PTPRK: variants seen among roughly 807,000 people sequenced by gnomAD.
PTPRK encodes the protein receptor-type tyrosine-protein phosphatase kappa.
In PTPRK, 75 loss-of-function variants were observed where a neutral mutation model predicts 178.0. The observed-to-expected ratio is 0.42, with a 90% confidence interval of 0.35 to 0.51. The LOEUF (loss-of-function observed/expected upper bound fraction) is 0.51, where lower values mean the gene tolerates loss of function less well. Among genes scored for constraint, PTPRK ranks in the 20% least tolerant of loss-of-function variants. The pLI is 0.02. For missense variants in PTPRK, 1,441 were observed against 1,797.8 expected (o/e 0.80, Z 3.59); for synonymous variants, 637 against 620.6 (o/e 1.03, Z -0.39).
At chr6:128,464,648 T>TATATATATATATATATATATATACAC (rs1849578836) in intron 1 of PTPRK, among the ~76,000 whole-genome samples, 2 of 93,976 alleles carry the variant, frequency 2.1e-5, no homozygotes, top group Non-Finnish European at 4.1e-5. Context: ...CATATATATA[T>TATATATATATATATATATATATACAC]ATATATATAT....
At chr6:128,188,634 A>G (rs1048143775) in intron 6 of PTPRK, among the ~76,000 whole-genome samples, 1 of 152,156 alleles carries the variant, frequency 6.6e-6, no homozygotes, top group African/African-American at 2.4e-5. Flanking sequence ...ATTACTACAG[A>G]CTTGGTGGCT....
intron 16 of PTPRK, 114 bp from the exon 17 acceptor site, chr6:127,997,102 C>G: frequency 9.9e-7 from 1 of 1,015,222 alleles, no homozygotes; most frequent in Non-Finnish European, 1.5e-6. Context: ...GAAAGCAGTC[C>G]TACAGTAGTA....
chr6:128,158,258 C>T (rs984440885), intron 7 of PTPRK, among the ~76,000 whole-genome samples: 4 of 150,930 alleles, frequency 2.7e-5, no homozygotes, highest in African/African-American at 7.3e-5. Flanking sequence ...TGGGGCCTGT[C>T]GTGGGGTGGG....
intron 15 of PTPRK, among the ~76,000 whole-genome samples, chr6:127,999,135 G>A (rs1311230741): frequency 6.6e-6 from 1 of 152,064 alleles, no homozygotes; most frequent in Non-Finnish European, 1.5e-5. Context: ...GACACTGTGA[G>A]ATGCAGGGAG....
intron 2 of PTPRK, among the ~76,000 whole-genome samples, chr6:128,369,665 A>C (rs966991683): frequency 3.3e-5 from 5 of 152,284 alleles, no homozygotes; most frequent in Admixed American, 3.3e-4. Flanking sequence ...ATAGATTATG[A>C]AAGTTTAGCA....
At chr6:128,508,337 A>C (rs190570602) in intron 1 of PTPRK, among the ~76,000 whole-genome samples, 2 of 151,422 alleles carry the variant, frequency 1.3e-5, no homozygotes, top group Admixed American at 6.6e-5. Context: ...ATGGAGTGAA[A>C]GAATAAATGA....
At chr6:128,166,841 G>A (rs911820567) in intron 7 of PTPRK, among the ~76,000 whole-genome samples, 17 of 151,706 alleles carry the variant, frequency 1.1e-4, no homozygotes, top group African/African-American at 4.1e-4. Context: ...AATTAGGAAT[G>A]ATGTAAATTA....
At chr6:128,481,727 C>A (rs536990003) in intron 1 of PTPRK, among the ~76,000 whole-genome samples, 8 of 152,092 alleles carry the variant, frequency 5.3e-5, no homozygotes, top group African/African-American at 1.7e-4. Context: ...AATTATAATA[C>A]TGTTGACTTG....
intron 2 of PTPRK, among the ~76,000 whole-genome samples, chr6:128,353,481 G>A (rs1833474390): frequency 6.6e-6 from 1 of 152,124 alleles, no homozygotes; most frequent in Admixed American, 6.6e-5. Context: ...TGAGAAAACA[G>A]TTAAATAAAT....
chr6:128,375,167 G>A (rs969236513), intron 2 of PTPRK, among the ~76,000 whole-genome samples: 1 of 150,040 alleles, frequency 6.7e-6, no homozygotes, highest in African/African-American at 2.5e-5. Context: ...TTTGTTCACG[G>A]ATTTAGCCCA....
intron 9 of PTPRK, 102 bp from the exon 10 acceptor site, chr6:128,082,740 G>C (rs991150581): frequency 7.5e-6 from 6 of 796,370 alleles, no homozygotes; most frequent in Admixed American, 6.8e-5. Flanking sequence ...TCCATGTGGA[G>C]TCAATGGTAA....
chr6:128,391,638 T>C (rs1215906872), intron 2 of PTPRK, among the ~76,000 whole-genome samples: 1 of 152,076 alleles, frequency 6.6e-6, no homozygotes, highest in Non-Finnish European at 1.5e-5. Flanking sequence ...TCATCTATAA[T>C]AGGGGGATGA....
intron 6 of PTPRK, among the ~76,000 whole-genome samples, chr6:128,213,783 C>A (rs573257240): frequency 6.6e-6 from 1 of 152,100 alleles, no homozygotes; most frequent in African/African-American, 2.4e-5. Context: ...ATTTTATGTA[C>A]AAAAAGATTA....
intron 7 of PTPRK, among the ~76,000 whole-genome samples, chr6:128,177,022 G>T (rs1801176575): frequency 2.0e-5 from 3 of 151,588 alleles, no homozygotes. Context: ...TATGAATAGG[G>T]TGTGAGAATT....
chr6:128,407,653 A>AAAAAAAG (rs1554255913), intron 1 of PTPRK, among the ~76,000 whole-genome samples: 14 of 147,594 alleles, frequency 9.5e-5, no homozygotes, highest in African/African-American at 3.0e-4. Flanking sequence ...AAAAAAAAAA[A>AAAAAAAG]AAGAAGAAGA....
At chr6:127,977,075 T>C (rs1458475322) in intron 25 of PTPRK, 21 bp from the exon 26 acceptor site, 1 of 1,611,324 alleles carries the variant, frequency 6.2e-7, no homozygotes, top group East Asian at 2.2e-5. Context: ...ACAAGGTAGA[T>C]GGAGAAATAT....
chr6:127,975,720 G>C (rs1774484752), intron 27 of PTPRK, among the ~76,000 whole-genome samples: 1 of 152,122 alleles, frequency 6.6e-6, no homozygotes, highest in Non-Finnish European at 1.5e-5. Flanking sequence ...TATACAGCCT[G>C]GGGTGCAGTG....
chr6:128,070,990 G>A (rs545292133), intron 11 of PTPRK, among the ~76,000 whole-genome samples: 4 of 151,106 alleles, frequency 2.6e-5, no homozygotes, highest in Admixed American at 6.6e-5. Context: ...GAAAAATCCC[G>A]AGCATTATTT....
rs1305972823 is a variant in PTPRK, at chr6:128,142,614, AT to A, written c.1162+41817del. ...ACATGTCTCCTCCAAATGCAAACAT[AT>A]TTCTTACAGATAAAAATTTAAAGCA... On this transcript the variant is annotated intron_variant, in intron 7 of 29. Coordinates refer to ENST00000368226, the MANE Select transcript of PTPRK (RefSeq NM_002844.4). Among the ~76,000 whole-genome samples, 25 of 152,010 alleles carry A rather than the reference AT, an allele frequency of 1.6e-4. No individual in the cohort carries two copies. In the East Asian group the frequency reaches 4.8e-3, roughly 29 times the overall value.
Sources: allele counts gnomAD v4.1 joint callset (sites outside exome capture counted in the v4.1 genomes callset), GRCh38; gene constraint gnomAD v4.1.1; transcripts MANE v1.5; gene names NCBI Gene and HGNC (gene_info 2026-07-23, HGNC 2026-07-21).